The following SDK1 variants were observed in gnomAD, a reference collection of about 807,000 sequenced individuals.
SDK1 encodes the protein sidekick cell adhesion molecule 1, also known as protein sidekick-1.
In SDK1, 157 loss-of-function variants were observed where a neutral mutation model predicts 245.5. The observed-to-expected ratio is 0.64, with a 90% CI of 0.56 to 0.73. The LOEUF (loss-of-function observed/expected upper bound fraction) is 0.73, where lower values mean the gene tolerates loss of function less well. Ranked by LOEUF, SDK1 falls within the 30% of genes least tolerant of loss-of-function variation. The pLI is 0.00. For synonymous variants in SDK1, 1,647 were observed against 1,278.5 expected, an observed-to-expected ratio of 1.29 and a Z score of -6.15; for missense variants, 3,583 against 3,002.3, an observed-to-expected ratio of 1.19 and a Z score of -4.52.
intron 28 of SDK1, among the ~76,000 whole-genome samples, chr7:4,145,452 C>T (rs1293594332): frequency 6.6e-5 from 10 of 152,100 alleles, no homozygotes; most frequent in East Asian, 1.9e-4. Flanking sequence ...ATGCTCGCCT[C>T]GTGCCCGCAT....
chr7:3,711,072 A>G (rs76280932), intron 4 of SDK1, among the ~76,000 whole-genome samples: 4,358 of 151,216 alleles, frequency 0.029, 208 homozygotes, highest in African/African-American at 0.1. Flanking sequence ...GGCAACTTAT[A>G]TTATTTTTCA....
intron 1 of SDK1, among the ~76,000 whole-genome samples, chr7:3,440,740 G>C (rs529132343): frequency 9.2e-5 from 14 of 152,168 alleles, no homozygotes; most frequent in Non-Finnish European, 2.1e-4. Flanking sequence ...ATCTATCCAT[G>C]AAATTGTGAA....
At chr7:3,392,960 A>AC (rs1178341990) in intron 1 of SDK1, among the ~76,000 whole-genome samples, 1 of 86,360 alleles carries the variant, frequency 1.2e-5, no homozygotes. Context: ...CCCTGTTTTA[A>AC]ATTTTTTTTT....
rs1562497638 is a variant in SDK1, at chr7:4,266,200, G to A, written c.*816G>A. 6.0e-5 allele frequency: 59 copies of A among 985,502 alleles called. No individual in the cohort carries two copies. Among genetic ancestry groups the A allele is most frequent in the Non-Finnish European group, 6.6e-5 (55 of 829,942 alleles). 61.0% of individuals were successfully genotyped at this position (985,502 alleles called of 1,614,324 possible). On this transcript the variant is annotated 3_prime_UTR_variant, in exon 45 of 45. Transcript: ENST00000404826. ...CCGCGGGACACGAGGACACGGGACGGCGTCTCCAGAATTGCTTGTTACGTA... is the reference window on the plus strand; with the variant it reads ...CCGCGGGACACGAGGACACGGGACGACGTCTCCAGAATTGCTTGTTACGTA...
intron 1 of SDK1, among the ~76,000 whole-genome samples, chr7:3,398,458 G>C (rs74754816): frequency 6.6e-6 from 1 of 151,690 alleles, no homozygotes; most frequent in South Asian, 2.1e-4. Flanking sequence ...ATGCTAGAGG[G>C]GACTGAGTTG....
At chr7:3,974,033 A>G (rs1583688120) in intron 12 of SDK1, among the ~76,000 whole-genome samples, 1 of 151,826 alleles carries the variant, frequency 6.6e-6, no homozygotes. Context: ...AATACAAAAA[A>G]ATTAGCCAAG....
intron 5 of SDK1, among the ~76,000 whole-genome samples, chr7:3,900,522 A>G (rs1781751304): frequency 6.6e-6 from 1 of 152,102 alleles, no homozygotes; most frequent in Non-Finnish European, 1.5e-5. Flanking sequence ...TCTTGGCTTC[A>G]TATCCTTATA....
chr7:3,781,097 G>A (rs1182307118), intron 4 of SDK1, among the ~76,000 whole-genome samples: 6 of 152,050 alleles, frequency 3.9e-5, no homozygotes, highest in African/African-American at 1.2e-4. Flanking sequence ...TGACAGGGAG[G>A]AAATCCTGAA....
intron 5 of SDK1, among the ~76,000 whole-genome samples, chr7:3,927,998 C>A (rs757654400): frequency 6.6e-5 from 10 of 152,270 alleles, no homozygotes; most frequent in African/African-American, 2.2e-4. Flanking sequence ...AGAAACTGAG[C>A]TAGTGTTGCA....
chr7:3,590,611 G>C (rs13438455), intron 1 of SDK1, among the ~76,000 whole-genome samples: 5 of 152,206 alleles, frequency 3.3e-5, no homozygotes, highest in Non-Finnish European at 7.4e-5. Context: ...TTTTGGGGAA[G>C]ATTGCAAATT....
chr7:3,567,960 G>T (rs368226182), intron 1 of SDK1, among the ~76,000 whole-genome samples: 10 of 152,260 alleles, frequency 6.6e-5, no homozygotes, highest in African/African-American at 1.2e-4. Flanking sequence ...GGGACCACAG[G>T]TATGCACAAC....
chr7:3,538,504 A>G (rs1466591350), intron 1 of SDK1, among the ~76,000 whole-genome samples: 2 of 152,120 alleles, frequency 1.3e-5, no homozygotes, highest in Non-Finnish European at 2.9e-5. Flanking sequence ...TTCGACTCCA[A>G]CACTTGCCTG....
In SDK1 at chr7:3,858,646, C is replaced by T. The variant is rs117385117; in HGVS notation, c.847+37063C>T. Among the ~76,000 whole-genome samples the T allele has an allele frequency of 8.9e-3, 1,350 of 151,940 alleles. 8 individuals carry two copies. Among genetic ancestry groups the T allele is most frequent in the Middle Eastern group, 0.017 (5 of 294 alleles). On this transcript the variant is annotated intron_variant, in intron 5 of 44. Transcript: ENST00000404826. ...GCAGGGGGAATAGGGAATGGTATATCTGTACCATCCTTCTAGGAAGCACAA... is the reference window on the plus strand; with the variant it reads ...GCAGGGGGAATAGGGAATGGTATATTTGTACCATCCTTCTAGGAAGCACAA...
chr7:3,775,110 G>A (rs1180707636), intron 4 of SDK1, among the ~76,000 whole-genome samples: 1 of 152,278 alleles, frequency 6.6e-6, no homozygotes, highest in African/African-American at 2.4e-5. Context: ...CTTTACAAAG[G>A]CTCAACTGGC....
At chr7:3,820,369 C>G (rs1449027680) in intron 4 of SDK1, among the ~76,000 whole-genome samples, 5 of 152,102 alleles carry the variant, frequency 3.3e-5, no homozygotes, top group African/African-American at 1.2e-4. Context: ...AGGATGGTCT[C>G]GATCTCTTGA....
rs978788383 is a variant in SDK1, at chr7:4,052,177, C to T, written c.2911+347C>T. ...TCACCTGCTTCCATGATCCCCCCCC[C>T]CCCGACGTCCCCCAGCCCATTCTTT... On this transcript the variant is annotated intron_variant, in intron 19 of 44. Transcript: ENST00000404826. Among the ~76,000 whole-genome samples, 36 of 147,638 alleles carry T rather than the reference C, an allele frequency of 2.4e-4. 1 individual carries two copies. Among genetic ancestry groups the T allele is most frequent in the Admixed American group, 1.2e-3 (17 of 14,750 alleles).
At chr7:3,528,730 A>G (rs946675809) in intron 1 of SDK1, among the ~76,000 whole-genome samples, 1 of 152,080 alleles carries the variant, frequency 6.6e-6, no homozygotes, top group African/African-American at 2.4e-5. Context: ...TTGATAATGG[A>G]TTAGATCTGC....
intron 44 of SDK1, among the ~76,000 whole-genome samples, chr7:4,261,240 G>C (rs187568570): frequency 1.3e-5 from 2 of 152,196 alleles, no homozygotes; most frequent in Admixed American, 6.5e-5. Context: ...CTTCCTGCCC[G>C]GGTGCTGATG....
intron 5 of SDK1, among the ~76,000 whole-genome samples, chr7:3,898,164 CAG>C (rs1368537896): frequency 6.6e-6 from 1 of 152,150 alleles, no homozygotes; most frequent in Non-Finnish European, 1.5e-5. Context: ...AACAGAAGTG[CAG>C]ATACGGTGCT....
Sources: allele counts gnomAD v4.1 joint callset (sites outside exome capture counted in the v4.1 genomes callset), GRCh38; gene constraint gnomAD v4.1.1; transcripts MANE v1.5; gene names NCBI Gene and HGNC (gene_info 2026-07-23, HGNC 2026-07-21).